MAEL: variants seen among roughly 807,000 people sequenced by gnomAD.
MAEL encodes the protein maelstrom spermatogenic transposon silencer.
A neutral mutation model predicts 62.0 loss-of-function variants in MAEL; 46 were observed. That is an observed-to-expected ratio of 0.74 (90% confidence interval 0.59 to 0.95). MAEL has a LOEUF of 0.95. Ranked by LOEUF, MAEL falls within the 40% of genes least tolerant of loss-of-function variation. The pLI, the probability that MAEL is intolerant of heterozygous loss-of-function variation, is 0.00. For synonymous variants in MAEL, 172 were observed against 175.5 expected (o/e 0.98, Z 0.16); for missense variants, 497 against 526.8 (o/e 0.94, Z 0.55).
rs202158678 is a variant in MAEL, at chr1:167,021,753, C to T, written c.1203C>T (p.Ser401=). Residue 401 remains serine (S), a synonymous_variant, in exon 12 of 12, where the codon TCC becomes TCT. Transcript: ENST00000367872. ...TTACCCGCTTACTAGAGAGCATTTC[C>T]AATTCTTCCAGCAATATCCACAAAT... ...RGITRLLESI[S]NSSSNIHKFS... is the part of the protein sequence containing the mutation. 6.2e-7 allele frequency: 1 copy of T among 1,613,398 alleles called. No individual in the cohort carries two copies. The highest frequency in any genetic ancestry group is 2.2e-5 in the East Asian group (1 of 44,858).
intron 8 of MAEL, among the ~76,000 whole-genome samples, chr1:167,012,892 T>C (rs1665229653): frequency 8.2e-6 from 1 of 122,608 alleles, no homozygotes; most frequent in African/African-American, 3.8e-5. Flanking sequence ...GTTGAAGCAG[T>C]TGGGGGTCAT....
chr1:167,017,629 G>A (rs886583785), intron 9 of MAEL, among the ~76,000 whole-genome samples, 198 bp from the exon 10 acceptor site: 3 of 152,090 alleles, frequency 2.0e-5, no homozygotes, highest in Non-Finnish European at 4.4e-5. Context: ...GCAATCAAAA[G>A]ATTGCTTAGC....
chr1:166,989,933 G>A lies in MAEL; in HGVS notation c.225+104G>A, dbSNP rs1271512730. The A allele has an allele frequency of 3.3e-6, 3 of 912,178 alleles. No homozygotes were observed. In the Admixed American group the frequency reaches 8.7e-5, roughly 27 times the overall value. 56.5% of individuals were successfully genotyped at this position (912,178 alleles called of 1,614,324 possible). On this transcript the variant is annotated intron_variant, in intron 2 of 11. Coordinates refer to ENST00000367872, the MANE Select transcript of MAEL (RefSeq NM_032858.3). ...AATGTCAAGGGTGGACTGCTTTGGG[G>A]GTTCGGTTAGTGCGAAGACGACGTT...
At chr1:167,010,474 C>T (rs372421042) in intron 8 of MAEL, among the ~76,000 whole-genome samples, 1 of 151,810 alleles carries the variant, frequency 6.6e-6, no homozygotes, top group Admixed American at 6.6e-5. Context: ...TAAAGAGAGT[C>T]TTGCTCTGTC....
In MAEL at chr1:167,021,087, G is replaced by T. The variant is rs1052437131; in HGVS notation, c.1044G>T (p.Lys348Asn). The change falls in exon 11 of 12, where the codon AAG (lysine) becomes AAT (asparagine). Residue 348 changes from lysine (K) to asparagine (N), a missense_variant and splice_region_variant. By Grantham distance (94) the Lys-to-Asn change is moderately conservative. Coordinates refer to ENST00000367872, the MANE Select transcript of MAEL (RefSeq NM_032858.3). ...TGGTATTTTCCTGTTACTTACAGAA[G>T]CTAAGGGTTGGGAGTTCAGGATTCT... ...MVVLDAGRYQ[K>N]LRVGSSGFSH... 2 of 1,609,282 alleles carry T rather than the reference G, an allele frequency of 1.2e-6. No individual in the cohort carries two copies. Among genetic ancestry groups the T allele is most frequent in the Non-Finnish European group, 1.7e-6 (2 of 1,176,142 alleles).
intron 3 of MAEL, 59 bp from the exon 4 acceptor site, chr1:166,992,627 G>A: frequency 1.6e-6 from 2 of 1,287,736 alleles, no homozygotes; most frequent in South Asian, 3.1e-5. Context: ...AGAGGCTTTT[G>A]TGGAAGAGGT....
At position 167,013,611 on chromosome 1, in the gene MAEL, A is replaced by G. The variant is rs568532113; in HGVS notation, c.846-2611A>G. ...TTAGTTTGCTTTTGTTCCCTGGATT[A>G]TCTCATTCTTCTGGATTGTGAGTTG... On this transcript the variant is annotated intron_variant, in intron 8 of 11. Transcript: ENST00000367872. Among the ~76,000 whole-genome samples the G allele has an allele frequency of 3.3e-5, 5 of 152,284 alleles. No individual in the cohort carries two copies. In the East Asian group the frequency reaches 9.7e-4, roughly 29 times the overall value.
At position 167,018,937 on chromosome 1, in the gene MAEL, A is replaced by T. The variant is rs191363026; in HGVS notation, c.1041+978A>T. Among the ~76,000 whole-genome samples the T allele has an allele frequency of 1.5e-3, 221 of 152,278 alleles. 1 individual carries two copies. The highest frequency in any genetic ancestry group is 5.0e-3 in the African/African-American group (209 of 41,552). On this transcript the variant is annotated intron_variant, in intron 10 of 11. Transcript: ENST00000367872. ...TGTATCCTGATTGTGGTGTTTACAC[A>T]ATTCTGTACATACATTAAACTTCAT...
At chr1:167,020,512 T>TA (rs1665580259) in intron 10 of MAEL, among the ~76,000 whole-genome samples, 1 of 152,150 alleles carries the variant, frequency 6.6e-6, no homozygotes, top group African/African-American at 2.4e-5. Context: ...CCTACTCTCC[T>TA]AGACAGTTAT....
At chr1:167,013,325 G>A (rs538665317) in intron 8 of MAEL, among the ~76,000 whole-genome samples, 57 of 152,268 alleles carry the variant, frequency 3.7e-4, no homozygotes, top group African/African-American at 1.4e-3. Flanking sequence ...AAGAGGACTC[G>A]GCACAAGCCC....
chr1:166,989,161 G>A (rs1407081659), upstream of MAEL: 5 of 773,244 alleles, frequency 6.5e-6, no homozygotes, highest in Non-Finnish European at 1.0e-5. Context: ...CCGCAAGGCG[G>A]CACGAGCCGG....
chr1:167,018,503 T>C (rs1665489066), intron 10 of MAEL, among the ~76,000 whole-genome samples: 1 of 152,178 alleles, frequency 6.6e-6, no homozygotes, highest in Non-Finnish European at 1.5e-5. Context: ...ACTTGAACTG[T>C]CTGTACTAAT....
upstream of MAEL, among the ~76,000 whole-genome samples, chr1:166,984,710 A>G (rs930025159): frequency 1.3e-5 from 2 of 152,178 alleles, no homozygotes; most frequent in African/African-American, 4.8e-5. Flanking sequence ...CAGTACAGCA[A>G]CACTAACTAG....
chr1:167,013,261 T>C (rs1185673734), intron 8 of MAEL, among the ~76,000 whole-genome samples: 3 of 152,178 alleles, frequency 2.0e-5, no homozygotes, highest in African/African-American at 4.8e-5. Context: ...GTCTTCTGCC[T>C]TGATGGACCT....
chr1:167,012,359 A>T (rs1170856757), intron 8 of MAEL: 1 of 152,164 alleles, frequency 6.6e-6, no homozygotes. Flanking sequence ...AATATTTATA[A>T]TTTTTATAGG....
chr1:167,000,969 A>G (rs1378841364), intron 5 of MAEL, among the ~76,000 whole-genome samples: 1 of 152,250 alleles, frequency 6.6e-6, no homozygotes, highest in African/African-American at 2.4e-5. Flanking sequence ...ATAACAGCAC[A>G]ATTTGCAATT....
intron 6 of MAEL, among the ~76,000 whole-genome samples, chr1:167,004,826 T>G (rs1203227210): frequency 6.6e-6 from 1 of 152,180 alleles, no homozygotes; most frequent in Non-Finnish European, 1.5e-5. Context: ...ACCCTAGGTC[T>G]CTCTTGCTTC....
intron 5 of MAEL, among the ~76,000 whole-genome samples, chr1:167,000,949 A>G (rs562091378): frequency 1.5e-4 from 23 of 152,374 alleles, no homozygotes; most frequent in Middle Eastern, 6.8e-3. Context: ...TAACTTGCAC[A>G]CACATGTTTA....
upstream of MAEL, among the ~76,000 whole-genome samples, chr1:166,984,950 G>A (rs147735010): frequency 6.3e-4 from 96 of 152,258 alleles, no homozygotes; most frequent in African/African-American, 2.2e-3. Context: ...GTTAAACTAT[G>A]AAAAAGCCAT....
Sources: allele counts gnomAD v4.1 joint callset (sites outside exome capture counted in the v4.1 genomes callset), GRCh38; gene constraint gnomAD v4.1.1; transcripts MANE v1.5; gene names NCBI Gene and HGNC (gene_info 2026-07-23, HGNC 2026-07-21).